SLC35D4: variants seen among roughly 807,000 people sequenced by gnomAD.
SLC35D4 encodes the protein UDP-N-acetylglucosamine transporter SLC35D4.
the SLC35D4 span, among the ~76,000 whole-genome samples, chr18:23,265,241 G>A: frequency 6.6e-6 from 1 of 152,118 alleles, no homozygotes; most frequent in South Asian, 2.1e-4. Flanking sequence ...GGAGGAGAAC[G>A]GGAACTGGGG....
chr18:23,406,152 A>C, the SLC35D4 span, among the ~76,000 whole-genome samples: 1 of 152,348 alleles, frequency 6.6e-6, no homozygotes, highest in African/African-American at 2.4e-5. Flanking sequence ...TAGAGAGTAT[A>C]ATCTTATAAC....
At chr18:23,344,603 T>G in the SLC35D4 span, among the ~76,000 whole-genome samples, 1 of 139,462 alleles carries the variant, frequency 7.2e-6, no homozygotes, top group African/African-American at 2.7e-5. Context: ...TTTTCTTCTT[T>G]TTTTTTTTTT....
the SLC35D4 span, among the ~76,000 whole-genome samples, chr18:23,280,408 C>T: frequency 6.6e-6 from 1 of 152,258 alleles, no homozygotes; most frequent in East Asian, 1.9e-4. Flanking sequence ...CCCTGGTTCC[C>T]TTCCTCATGT....
chr18:23,398,408 A>G, the SLC35D4 span, among the ~76,000 whole-genome samples: 3 of 152,358 alleles, frequency 2.0e-5, no homozygotes, highest in African/African-American at 4.8e-5. Flanking sequence ...CCAATAGTCT[A>G]TGGCGTAGGA....
the SLC35D4 span, among the ~76,000 whole-genome samples, chr18:23,360,744 T>C: frequency 6.6e-6 from 1 of 152,188 alleles, no homozygotes; most frequent in Non-Finnish European, 1.5e-5. Flanking sequence ...ATATTTCATA[T>C]ATGTAAATTA....
the SLC35D4 span, among the ~76,000 whole-genome samples, chr18:23,275,117 T>C: frequency 6.6e-5 from 10 of 151,374 alleles, no homozygotes; most frequent in East Asian, 1.8e-3. Context: ...TGTGTGTGCA[T>C]GTGTGTGTGC....
the SLC35D4 span, among the ~76,000 whole-genome samples, chr18:23,265,135 G>A: frequency 1.3e-5 from 2 of 152,108 alleles, no homozygotes; most frequent in Non-Finnish European, 2.9e-5. Context: ...ATCTCACTCA[G>A]GGCTGACTCT....
chr18:23,330,004 C>A, the SLC35D4 span, among the ~76,000 whole-genome samples: 3 of 152,078 alleles, frequency 2.0e-5, no homozygotes, highest in Non-Finnish European at 2.9e-5. Context: ...ACAATGAGAT[C>A]ACTTGGACAC....
chr18:23,262,654 T>C, the SLC35D4 span, among the ~76,000 whole-genome samples: 1 of 152,346 alleles, frequency 6.6e-6, no homozygotes, highest in East Asian at 1.9e-4. Context: ...AGCCTCAATG[T>C]GGAAGCTTGA....
At chr18:23,411,251 G>GA in the SLC35D4 span, among the ~76,000 whole-genome samples, 1 of 145,688 alleles carries the variant, frequency 6.9e-6, no homozygotes, top group Non-Finnish European at 1.5e-5. Flanking sequence ...GAAGGGAAGG[G>GA]AAGGGCAGGG....
the SLC35D4 span, among the ~76,000 whole-genome samples, chr18:23,353,766 A>G: frequency 6.6e-6 from 1 of 152,188 alleles, no homozygotes; most frequent in Non-Finnish European, 1.5e-5. Context: ...AATCACACCC[A>G]GCGCCTGGAT....
the SLC35D4 span, chr18:23,253,593 C>G: frequency 6.9e-6 from 5 of 724,280 alleles, no homozygotes; most frequent in South Asian, 9.3e-5. Context: ...CCTTCACACT[C>G]CCAGGGACTT....
At chr18:23,345,264 G>A in the SLC35D4 span, among the ~76,000 whole-genome samples, 2 of 151,702 alleles carry the variant, frequency 1.3e-5, no homozygotes, top group South Asian at 4.2e-4. Flanking sequence ...TGGGCGGATC[G>A]CTAGGTCAGG....
the SLC35D4 span, among the ~76,000 whole-genome samples, chr18:23,292,897 C>G: frequency 6.6e-6 from 1 of 152,160 alleles, no homozygotes; most frequent in Non-Finnish European, 1.5e-5. Context: ...ACCACCAACA[C>G]CCCCTTCTTT....
At chr18:23,300,229 G>A in the SLC35D4 span, among the ~76,000 whole-genome samples, 3 of 152,110 alleles carry the variant, frequency 2.0e-5, no homozygotes, top group Admixed American at 6.5e-5. Flanking sequence ...CAAAGACCTG[G>A]CTTTTCCTTT....
the SLC35D4 span, among the ~76,000 whole-genome samples, chr18:23,255,671 C>T: frequency 6.6e-6 from 1 of 151,654 alleles, no homozygotes; most frequent in Non-Finnish European, 1.5e-5. Context: ...GCAATCCTCC[C>T]ATCTCCGCCT....
chr18:23,353,448 TA>T, the SLC35D4 span, among the ~76,000 whole-genome samples: 1 of 152,168 alleles, frequency 6.6e-6, no homozygotes, highest in Non-Finnish European at 1.5e-5. Flanking sequence ...ACACATTAAC[TA>T]AATGCTTGTC....
chr18:23,317,016 T>C, the SLC35D4 span, among the ~76,000 whole-genome samples: 2 of 151,890 alleles, frequency 1.3e-5, no homozygotes, highest in Non-Finnish European at 2.9e-5. Flanking sequence ...AAAGGAAGAG[T>C]TGGAACTAAA....
the SLC35D4 span, among the ~76,000 whole-genome samples, chr18:23,324,980 A>T: frequency 6.6e-6 from 1 of 152,164 alleles, no homozygotes. Flanking sequence ...GGTCCCAGGA[A>T]GATTAGGCAT....
Sources: allele counts gnomAD v4.1 joint callset (sites outside exome capture counted in the v4.1 genomes callset), GRCh38; gene constraint gnomAD v4.1.1; transcripts MANE v1.5; gene names NCBI Gene and HGNC (gene_info 2026-07-23, HGNC 2026-07-21).